The following DOCK3 variants were observed in gnomAD, a reference collection of about 807,000 sequenced individuals.
DOCK3 encodes the protein dedicator of cytokinesis 3.
A neutral mutation model predicts 265.6 loss-of-function variants in DOCK3; 60 were observed. The ratio of observed to expected loss-of-function variants is 0.23; its 90% CI spans 0.18 to 0.28. The LOEUF (loss-of-function observed/expected upper bound fraction) is 0.28, where lower values mean the gene tolerates loss of function less well. Ranked by LOEUF, DOCK3 falls within the 10% of genes least tolerant of loss-of-function variation. The probability of loss-of-function intolerance (pLI) is 1.00; values close to 1 mark genes in which losing one functional copy is unlikely to be tolerated. For synonymous variants in DOCK3, 881 were observed against 938.0 expected (o/e 0.94, Z 1.11); for missense variants, 1,981 against 2,594.3 (o/e 0.76, Z 5.14).
intron 12 of DOCK3, among the ~76,000 whole-genome samples, chr3:51,161,843 G>C (rs926265304): frequency 6.6e-6 from 1 of 152,118 alleles, no homozygotes; most frequent in African/African-American, 2.4e-5. Context: ...TTCTTCACTT[G>C]TGCCACTGGA....
intron 1 of DOCK3, among the ~76,000 whole-genome samples, chr3:50,696,025 G>A (rs931494007): frequency 3.3e-5 from 5 of 152,278 alleles, no homozygotes; most frequent in South Asian, 4.1e-4. Flanking sequence ...ACTTGAACAC[G>A]GTTTGAACAG....
intron 3 of DOCK3, among the ~76,000 whole-genome samples, chr3:50,867,629 T>C (rs1295199242): frequency 6.6e-6 from 1 of 151,782 alleles, no homozygotes; most frequent in Non-Finnish European, 1.5e-5. Context: ...TTAGGGTTTT[T>C]ATCATGAAGG....
chr3:51,246,779 G>A lies in DOCK3; in HGVS notation c.2156G>A (p.Arg719Gln), dbSNP rs370257048. ...WYMDCSAELI[R>Q]QDHIQEAMRA... ...ATGGACTGCTCAGCAGAACTGATTC[G>A]ACAGGACCACATTCAAGAAGCTATG... The change falls in exon 22 of 53, where the codon CGA (arginine) becomes CAA (glutamine). Residue 719 changes from arginine to glutamine, a missense_variant. Physicochemically the swap from Arg to Gln is conservative, Grantham distance 43. This residue lies in a region of DOCK3 where 1,357 missense variants were observed against 1,866.8 expected (regional missense o/e 0.73). Transcript: ENST00000266037. The A allele has an allele frequency of 1.2e-5, 19 of 1,613,310 alleles. No homozygotes were observed. The highest frequency in any genetic ancestry group is 1.5e-5 in the Non-Finnish European group (18 of 1,179,700).
chr3:50,980,973 A>G (rs1391949377), intron 5 of DOCK3, among the ~76,000 whole-genome samples: 3 of 150,736 alleles, frequency 2.0e-5, no homozygotes, highest in African/African-American at 7.3e-5. Flanking sequence ...TCTCATTTTT[A>G]TTATTTGTTT....
At chr3:51,300,792 G>A (rs535631408) in intron 27 of DOCK3, among the ~76,000 whole-genome samples, 30 of 152,350 alleles carry the variant, frequency 2.0e-4, no homozygotes, top group Non-Finnish European at 3.8e-4. Flanking sequence ...TGTGCTGGTG[G>A]ATTTGGTTTG....
chr3:50,761,246 T>C (rs979530616), intron 1 of DOCK3, among the ~76,000 whole-genome samples: 101 of 152,330 alleles, frequency 6.6e-4, no homozygotes, highest in African/African-American at 2.4e-3. Flanking sequence ...AATTCCCTTT[T>C]GCAACACACA....
intron 4 of DOCK3, chr3:50,901,709 C>T (rs1224410368): frequency 4.4e-6 from 2 of 453,742 alleles, no homozygotes; most frequent in Admixed American, 2.4e-5. Context: ...TCATGGCTAC[C>T]CTTGGCTAGG....
chr3:50,698,594 T>C (rs986889661), intron 1 of DOCK3, among the ~76,000 whole-genome samples: 1 of 147,876 alleles, frequency 6.8e-6, no homozygotes, highest in Non-Finnish European at 1.5e-5. Flanking sequence ...TTTTTAATTG[T>C]TTGAAGAACT....
intron 9 of DOCK3, among the ~76,000 whole-genome samples, chr3:51,134,140 A>G (rs1441581514): frequency 6.6e-6 from 1 of 152,188 alleles, no homozygotes; most frequent in African/African-American, 2.4e-5. Flanking sequence ...ATAGTAGTCC[A>G]TGGTGTGTAT....
At chr3:50,737,544 T>C (rs189606482) in intron 1 of DOCK3, among the ~76,000 whole-genome samples, 15 of 152,352 alleles carry the variant, frequency 9.8e-5, no homozygotes, top group Non-Finnish European at 2.1e-4. Flanking sequence ...ATCACCCATA[T>C]ATATGAATAT....
chr3:50,922,207 G>A (rs947693717), intron 4 of DOCK3, among the ~76,000 whole-genome samples: 1 of 152,224 alleles, frequency 6.6e-6, no homozygotes, highest in Non-Finnish European at 1.5e-5. Flanking sequence ...GCTCTACCCA[G>A]TTCAAGCTTC....
chr3:50,778,860 ATAAT>A, intron 2 of DOCK3, 102 bp downstream of exon 2: 1 of 739,562 alleles, frequency 1.4e-6, no homozygotes, highest in East Asian at 2.9e-5. Flanking sequence ...TTCTGGAGCC[ATAAT>A]TAGTCACATG....
intron 22 of DOCK3, among the ~76,000 whole-genome samples, chr3:51,248,918 G>A (rs1295931756): frequency 2.0e-5 from 3 of 150,020 alleles, no homozygotes; most frequent in Non-Finnish European, 3.0e-5. Flanking sequence ...GTCTCTGCCC[G>A]GCCGCCCCAT....
At chr3:50,809,314 T>C (rs1446461885) in intron 2 of DOCK3, among the ~76,000 whole-genome samples, 2 of 152,082 alleles carry the variant, frequency 1.3e-5, no homozygotes, top group Non-Finnish European at 2.9e-5. Context: ...CTCAAAAACA[T>C]ATGGAAAGGT....
intron 9 of DOCK3, among the ~76,000 whole-genome samples, chr3:51,131,537 C>T (rs567187026): frequency 6.6e-6 from 1 of 152,230 alleles, no homozygotes; most frequent in Non-Finnish European, 1.5e-5. Context: ...GAAATTGATT[C>T]GGGGCCATGA....
intron 4 of DOCK3, among the ~76,000 whole-genome samples, chr3:50,904,119 T>G (rs1156286332): frequency 3.0e-4 from 45 of 152,222 alleles, no homozygotes; most frequent in Admixed American, 2.9e-3. Flanking sequence ...TGCATAGTAT[T>G]CCATGGTGTA....
At chr3:50,905,173 T>C (rs1160848888) in intron 4 of DOCK3, among the ~76,000 whole-genome samples, 1 of 152,156 alleles carries the variant, frequency 6.6e-6, no homozygotes, top group African/African-American at 2.4e-5. Flanking sequence ...AGCCTTGTAG[T>C]ATAGTTTGAA....
At chr3:51,132,006 C>G (rs560106705) in intron 9 of DOCK3, among the ~76,000 whole-genome samples, 243 of 152,256 alleles carry the variant, frequency 1.6e-3, no homozygotes, top group Admixed American at 3.0e-3. Flanking sequence ...ATGAGTAGGT[C>G]TAAAGTGACT....
At chr3:51,017,009 G>T (rs1575781430) in intron 5 of DOCK3, among the ~76,000 whole-genome samples, 1 of 140,524 alleles carries the variant, frequency 7.1e-6, no homozygotes, top group Non-Finnish European at 1.5e-5. Context: ...ACCATTGAGT[G>T]TCCTTTCTTT....
Sources: gnomAD v4.1 joint callset for allele counts (sites outside exome capture counted in the v4.1 genomes callset) on GRCh38, gnomAD v4.1.1 for gene constraint, gnomAD v4.1.1 regional missense constraint, MANE v1.5 for transcripts, NCBI Gene and HGNC (gene_info 2026-07-23, HGNC 2026-07-21) for gene names.